Variants in CDC20B observed in about 807,000 individuals in gnomAD.
CDC20B encodes cell division cycle 20B, also known as cell division cycle protein 20 homolog B.
In CDC20B, 58 loss-of-function variants were observed where a neutral mutation model predicts 64.1. The ratio of observed to expected loss-of-function variants is 0.90; its 90% CI spans 0.73 to 1.13. CDC20B has a LOEUF of 1.13. Among genes scored for constraint, CDC20B ranks in the 50% most tolerant of loss-of-function variants. CDC20B has a pLI of 0.00. For missense variants in CDC20B, 597 were observed against 633.0 expected (o/e 0.94, Z 0.61); for synonymous variants, 243 against 230.6 (o/e 1.05, Z -0.49).
In CDC20B at chr5:55,160,475, G is replaced by A; in HGVS notation, c.126+12113C>T. ...TTCCTCTTAATAAAATCAATTTTTT[G>A]CTGTTACATGGTCATAAGTTGGAAT... On this transcript the variant is annotated intron_variant, in intron 2 of 11. Coordinates refer to ENST00000381375, the MANE Select transcript of CDC20B (RefSeq NM_001170402.1). The A allele has an allele frequency of 6.2e-6, 7 of 1,131,110 alleles. No homozygotes were observed. The South Asian group carries it at 7.2e-5, about 12-fold the overall frequency. 70.1% of individuals were successfully genotyped at this position (1,131,110 alleles called of 1,614,324 possible).
chr5:55,161,053 G>A (rs766955472), intron 2 of CDC20B: 3 of 1,614,116 alleles, frequency 1.9e-6, no homozygotes, highest in Non-Finnish European at 2.5e-6. Flanking sequence ...ATTACTTAGG[G>A]CTGAAGGAAC....
At chr5:55,145,768 CTCTCTT>C (rs5867965) in intron 3 of CDC20B, among the ~76,000 whole-genome samples, 18,431 of 151,238 alleles carry the variant, frequency 0.12, 1,291 homozygotes, top group East Asian at 0.25. Flanking sequence ...CTCCTCTCTT[CTCTCTT>C]TCTCTTTGTC....
intron 2 of CDC20B, among the ~76,000 whole-genome samples, chr5:55,153,990 G>T (rs1482354720): frequency 6.6e-6 from 1 of 152,136 alleles, no homozygotes; most frequent in Non-Finnish European, 1.5e-5. Context: ...ATAGTGTCCA[G>T]AACAGGAGCA....
chr5:55,145,347 G>A (rs1443048175), intron 3 of CDC20B, among the ~76,000 whole-genome samples: 1 of 152,214 alleles, frequency 6.6e-6, no homozygotes, highest in African/African-American at 2.4e-5. Context: ...GAACTGCAAT[G>A]CATCATCATG....
chr5:55,127,221 T>C, intron 8 of CDC20B, 36 bp downstream of exon 8: 1 of 1,557,786 alleles, frequency 6.4e-7, no homozygotes, highest in Non-Finnish European at 8.9e-7. Context: ...CAATTGTTAA[T>C]ACAAACATAA....
intron 2 of CDC20B, among the ~76,000 whole-genome samples, chr5:55,169,735 C>T (rs1394262072): frequency 6.6e-6 from 1 of 152,228 alleles, no homozygotes; most frequent in African/African-American, 2.4e-5. Flanking sequence ...ACTGACTCAT[C>T]TGGAAAATTA....
intron 11 of CDC20B, among the ~76,000 whole-genome samples, chr5:55,117,118 A>G (rs1210984118): frequency 3.3e-5 from 5 of 152,246 alleles, no homozygotes. Flanking sequence ...GCCAAAGGCC[A>G]GATCTCACCC....
intron 2 of CDC20B, among the ~76,000 whole-genome samples, chr5:55,157,230 G>A (rs1359124540): frequency 1.3e-5 from 2 of 152,120 alleles, no homozygotes; most frequent in Non-Finnish European, 2.9e-5. Context: ...TTTGATATAT[G>A]TATAGTCTGA....
rs2111913060 is a variant in CDC20B, at chr5:55,155,023, T to C, written c.127-8167A>G. Among the ~76,000 whole-genome samples, 2 of 152,300 alleles carry C rather than the reference T, an allele frequency of 1.3e-5. 1 individual carries two copies. Among genetic ancestry groups the C allele is most frequent in the African/African-American group, 4.8e-5 (2 of 41,566 alleles). ...AACTTCTGTTCCAGGATCTATCTCC[T>C]GCCAAGGAAATGCCTGTCGCATAGT... On this transcript the variant is annotated intron_variant, in intron 2 of 11. Transcript: ENST00000381375.
Position 55,141,648 on chromosome 5 carries a change from A to G in CDC20B, c.487-1241T>C, listed in dbSNP as rs371099810. Among the ~76,000 whole-genome samples the G allele has an allele frequency of 8.1e-4, 124 of 152,356 alleles. 1 individual carries two copies. Among genetic ancestry groups the G allele is most frequent in the Middle Eastern group, 3.4e-3 (1 of 294 alleles). On this transcript the variant is annotated intron_variant, in intron 4 of 11. Transcript: ENST00000381375. ...CACTCTGGGTCCCCACGGTTCAGAC[A>G]GAAGTCTCTCTGACAGACAACATTT...
chr5:55,172,481 C>T, intron 2 of CDC20B, 107 bp downstream of exon 2: 1 of 895,364 alleles, frequency 1.1e-6, no homozygotes. Flanking sequence ...CTAAAATTCT[C>T]ATATTTTCAG....
intron 2 of CDC20B, among the ~76,000 whole-genome samples, chr5:55,154,037 T>A (rs1266545964): frequency 2.0e-5 from 3 of 152,108 alleles, no homozygotes; most frequent in African/African-American, 7.2e-5. Flanking sequence ...TCAGAACACA[T>A]CTGGAGAACC....
rs374772594 is a variant in CDC20B at position 55,123,342 on chromosome 5, CCT to C, written c.1215+1459_1215+1460del. ...CAATTTCAAGAGGCTCAGAAATTCC[CCT>C]GAGCCCATGGGCCCCAGTTTTACCA... On this transcript the variant is annotated intron_variant, in intron 9 of 11. Coordinates refer to ENST00000381375, the MANE Select transcript of CDC20B (RefSeq NM_001170402.1). Among the ~76,000 whole-genome samples, 278 of 152,232 alleles carry C rather than the reference CCT, an allele frequency of 1.8e-3. 2 individuals carry two copies. In the Middle Eastern group the frequency reaches 0.02, roughly 11 times the overall value.
chr5:55,171,095 C>A (rs1228995124), intron 2 of CDC20B, among the ~76,000 whole-genome samples: 3 of 152,272 alleles, frequency 2.0e-5, no homozygotes, highest in African/African-American at 7.2e-5. Flanking sequence ...TGGCTGATCC[C>A]CTAAGGTCAC....
At chr5:55,156,615 C>G (rs1336542490) in intron 2 of CDC20B, among the ~76,000 whole-genome samples, 1 of 152,104 alleles carries the variant, frequency 6.6e-6, no homozygotes, top group East Asian at 1.9e-4. Flanking sequence ...GTGGCTCATG[C>G]CTGTAATCCC....
intron 2 of CDC20B, among the ~76,000 whole-genome samples, chr5:55,169,983 A>G (rs557798588): frequency 3.0e-4 from 45 of 152,288 alleles, no homozygotes; most frequent in African/African-American, 1.0e-3. Flanking sequence ...GCATGGTAGC[A>G]GGCGCCTGTA....
intron 4 of CDC20B, among the ~76,000 whole-genome samples, chr5:55,140,672 C>CT (rs1341081746): frequency 1.3e-5 from 2 of 152,110 alleles, no homozygotes; most frequent in Non-Finnish European, 2.9e-5. Flanking sequence ...AGAATAAAAT[C>CT]TTTTTTTACT....
At chr5:55,123,627 G>C (rs535790134) in intron 9 of CDC20B, among the ~76,000 whole-genome samples, 2 of 152,252 alleles carry the variant, frequency 1.3e-5, no homozygotes, top group South Asian at 4.1e-4. Context: ...GGTTTCCGGA[G>C]ACTCTCTCTT....
intron 5 of CDC20B, among the ~76,000 whole-genome samples, chr5:55,136,291 G>A (rs1743169247): frequency 6.6e-6 from 1 of 151,622 alleles, no homozygotes; most frequent in Admixed American, 6.6e-5. Flanking sequence ...CAGGTGCAGT[G>A]GTTCACACCT....
Sources: allele counts gnomAD v4.1 joint callset (sites outside exome capture counted in the v4.1 genomes callset), GRCh38; gene constraint gnomAD v4.1.1; transcripts MANE v1.5; gene names NCBI Gene and HGNC (gene_info 2026-07-23, HGNC 2026-07-21).